ZGRF1: variants seen among roughly 807,000 people sequenced by gnomAD.
The protein encoded by ZGRF1 is zinc finger GRF-type containing 1, also known as 5'-3' DNA helicase ZGRF1.
In ZGRF1, 196 loss-of-function variants were observed where a neutral mutation model predicts 203.5. That is an observed-to-expected ratio of 0.96 (90% CI 0.86 to 1.08). The LOEUF is 1.08. Ranked by LOEUF, ZGRF1 falls within the 50% of genes least tolerant of loss-of-function variation. The pLI is 0.00. For synonymous variants in ZGRF1, 809 were observed against 841.3 expected (o/e 0.96, Z 0.66); for missense variants, 2,326 against 2,416.3 (o/e 0.96, Z 0.78).
At chr4:112,546,677 A>T (rs79954018) in intron 24 of ZGRF1, 3,325 of 152,322 alleles carry the variant, frequency 0.022, 41 homozygotes, top group Non-Finnish European at 0.033. Context: ...CATTCCTGGT[A>T]TATGTGTGTG....
At chr4:112,562,178 G>A in intron 18 of ZGRF1, 193 bp downstream of exon 18, 1 of 448,148 alleles carries the variant, frequency 2.2e-6, no homozygotes, top group Non-Finnish European at 4.1e-6. Flanking sequence ...CAAAGTGCTG[G>A]GATTACAGGC....
intron 16 of ZGRF1, among the ~76,000 whole-genome samples, chr4:112,575,785 C>T (rs1406834852): frequency 2.0e-5 from 3 of 152,176 alleles, no homozygotes; most frequent in East Asian, 1.9e-4. Flanking sequence ...GCAGGAAGCT[C>T]GAACTGGGTG....
At chr4:112,634,222 ACAGTAAT>A (rs2047504179) in intron 1 of ZGRF1, among the ~76,000 whole-genome samples, 1 of 152,214 alleles carries the variant, frequency 6.6e-6, no homozygotes, top group Non-Finnish European at 1.5e-5. Context: ...GGGGTGATAA[ACAGTAAT>A]TTTAATAAAA....
At position 112,606,906 on chromosome 4, in the gene ZGRF1, CAT is replaced by C. The variant is rs138658572; in HGVS notation, c.2719-817_2719-816del. Among the ~76,000 whole-genome samples the C allele has an allele frequency of 6.8e-3, 1,034 of 152,198 alleles. 15 individuals are homozygous for C. The highest frequency in any genetic ancestry group is 0.023 in the African/African-American group (976 of 41,534). On this transcript the variant is annotated intron_variant, in intron 8 of 27. Coordinates refer to ENST00000505019, the MANE Select transcript of ZGRF1 (RefSeq NM_018392.5). ...AATATACAAAATAACCATAATTTTT[CAT>C]ATGACTTGGATAGACACAGAAAATG...
intron 6 of ZGRF1, among the ~76,000 whole-genome samples, chr4:112,613,041 C>T (rs1170726706): frequency 6.6e-6 from 1 of 152,146 alleles, no homozygotes; most frequent in Non-Finnish European, 1.5e-5. Flanking sequence ...TGCCTGTAAT[C>T]CCAGCACTTT....
At chr4:112,562,589 G>A in intron 17 of ZGRF1, 104 bp from the exon 18 acceptor site, 2 of 694,416 alleles carry the variant, frequency 2.9e-6, no homozygotes, top group South Asian at 3.4e-5. Flanking sequence ...ACTGAATTAA[G>A]CACATGACAT....
chr4:112,632,405 G>T (rs989271103), intron 2 of ZGRF1, among the ~76,000 whole-genome samples: 1 of 152,200 alleles, frequency 6.6e-6, no homozygotes, highest in African/African-American at 2.4e-5. Context: ...CTAATAATCT[G>T]TGCAGTTCTC....
At chr4:112,588,075 T>G in intron 11 of ZGRF1, 146 bp from the exon 12 acceptor site, 1 of 536,700 alleles carries the variant, frequency 1.9e-6, no homozygotes, top group Non-Finnish European at 3.2e-6. Context: ...AAAAAAAAAT[T>G]AATGGTTTTA....
intron 16 of ZGRF1, 118 bp from the exon 17 acceptor site, chr4:112,563,392 C>G: frequency 1.5e-6 from 1 of 647,928 alleles, no homozygotes; most frequent in South Asian, 3.3e-5. Context: ...CATATACATA[C>G]ACAAGATGAG....
chr4:112,598,906 C>T (rs917642882), intron 10 of ZGRF1, among the ~76,000 whole-genome samples: 13 of 151,790 alleles, frequency 8.6e-5, no homozygotes, highest in African/African-American at 2.2e-4. Context: ...TAAAAATTAG[C>T]GAGGTTTGGT....
At position 112,617,724 on chromosome 4, in the gene ZGRF1, A is replaced by C; in HGVS notation, c.2318T>G (p.Leu773Arg). Residue 773 changes from leucine (L) to arginine (R), a missense_variant, in exon 6 of 28, where the codon CTT becomes CGT. By Grantham distance (102) the Leu-to-Arg change is moderately radical. Transcript: ENST00000505019. ...ATGTGCTTCTGTGTCTTTGGAAATA[A>C]GATGCTTTTTTCCCAGTGGGTAAAA... ...SLFYPLGKKH[L>R]ISKDTEAHIS... 1 of 1,614,142 alleles carries C rather than the reference A, an allele frequency of 6.2e-7. No individual in the cohort carries two copies. Among genetic ancestry groups the C allele is most frequent in the South Asian group, 1.1e-5 (1 of 91,078 alleles).
chr4:112,603,742 G>T, intron 9 of ZGRF1, 45 bp from the exon 10 acceptor site: 1 of 1,400,010 alleles, frequency 7.1e-7, no homozygotes, highest in Non-Finnish European at 1.0e-6. Flanking sequence ...ACTATATGTT[G>T]ACATATATAT....
intron 3 of ZGRF1, chr4:112,628,689 A>T: frequency 2.2e-6 from 1 of 456,124 alleles, no homozygotes; most frequent in South Asian, 1.5e-5. Context: ...CTTGTGTGAG[A>T]TATATAATGG....
chr4:112,585,291 T>G (rs1353660857), intron 14 of ZGRF1, among the ~76,000 whole-genome samples: 2 of 152,062 alleles, frequency 1.3e-5, no homozygotes, highest in Non-Finnish European at 2.9e-5. Flanking sequence ...ATAATAAAAA[T>G]AAATAAAAAT....
At chr4:112,598,139 C>G (rs1023452597) in intron 10 of ZGRF1, among the ~76,000 whole-genome samples, 11 of 152,048 alleles carry the variant, frequency 7.2e-5, no homozygotes, top group African/African-American at 2.7e-4. Flanking sequence ...CAGCAATGGG[C>G]ATTCTTAAGT....
chr4:112,593,191 T>C (rs1424676446), intron 10 of ZGRF1, among the ~76,000 whole-genome samples: 1 of 152,198 alleles, frequency 6.6e-6, no homozygotes, highest in Non-Finnish European at 1.5e-5. Flanking sequence ...CTTTACTCAA[T>C]GAAAATTGCC....
At chr4:112,587,993 A>C in intron 11 of ZGRF1, 64 bp from the exon 12 acceptor site, 1 of 1,284,398 alleles carries the variant, frequency 7.8e-7, no homozygotes, top group Non-Finnish European at 1.0e-6. Context: ...AGGCTCTAGA[A>C]AACAGTGGGT....
chr4:112,592,987 T>C (rs780307143), intron 10 of ZGRF1, among the ~76,000 whole-genome samples: 7 of 152,264 alleles, frequency 4.6e-5, no homozygotes, highest in African/African-American at 1.2e-4. Flanking sequence ...GAAAAGGACA[T>C]GTAAGGACAT....
chr4:112,581,196 C>T (rs1390218108), intron 16 of ZGRF1, among the ~76,000 whole-genome samples: 13 of 143,904 alleles, frequency 9.0e-5, no homozygotes, highest in African/African-American at 2.4e-4. Context: ...CCAAACACCG[C>T]ATGTTCTCAC....
Sources: gnomAD v4.1 joint callset for allele counts (sites outside exome capture counted in the v4.1 genomes callset) on GRCh38, gnomAD v4.1.1 for gene constraint, MANE v1.5 for transcripts, NCBI Gene and HGNC (gene_info 2026-07-23, HGNC 2026-07-21) for gene names.